Variants in CACNB2 observed in about 807,000 individuals in gnomAD.
CACNB2 encodes voltage-dependent L-type calcium channel subunit beta-2.
Under a neutral mutation model 73.3 loss-of-function variants are expected in CACNB2, and 42 were observed. That is an observed-to-expected ratio of 0.57 (90% confidence interval 0.45 to 0.74). CACNB2 has a LOEUF of 0.74. Among genes scored for constraint, CACNB2 ranks in the 30% least tolerant of loss-of-function variants. CACNB2 has a pLI of 0.00. For synonymous variants in CACNB2, 348 were observed against 310.3 expected (o/e 1.12, Z -1.28); for missense variants, 940 against 853.0 (o/e 1.10, Z -1.27).
In CACNB2 at chr10:18,534,146, G is replaced by T. The variant is rs368230570; in HGVS notation, c.1125G>T (p.Ala375=). 1 of 1,613,574 alleles carries T rather than the reference G, an allele frequency of 6.2e-7. No homozygotes were observed. The highest frequency in any genetic ancestry group is 1.3e-5 in the African/African-American group (1 of 74,874). The change falls in exon 11 of 14, where the codon GCG becomes GCT. Residue 375 remains alanine, a synonymous_variant. Transcript: ENST00000324631. ...CATTGCAGTTGGTGGTCCTTGACGC[G>T]GATACAATTAATCATCCAGCTCAAC... The part of the protein sequence containing the change: ...ARTLQLVVLD[A]DTINHPAQLS...
intron 2 of CACNB2, among the ~76,000 whole-genome samples, chr10:18,307,959 T>G (rs1459589541): frequency 2.0e-5 from 3 of 147,782 alleles, no homozygotes; most frequent in Admixed American, 6.8e-5. Context: ...TAGGATAACT[T>G]AAGTCTAAAA....
intron 3 of CACNB2, among the ~76,000 whole-genome samples, chr10:18,430,804 G>T (rs1000195007): frequency 1.3e-5 from 2 of 152,176 alleles, no homozygotes; most frequent in African/African-American, 4.8e-5. Context: ...TGAGGGAAAG[G>T]TGAAAAGTAC....
At chr10:18,189,222 G>C (rs2034288834) in intron 2 of CACNB2, among the ~76,000 whole-genome samples, 1 of 152,112 alleles carries the variant, frequency 6.6e-6, no homozygotes, top group African/African-American at 2.4e-5. Flanking sequence ...AATTTCAGTT[G>C]TGGCTTTCAG....
At chr10:18,441,707 G>A (rs1414227540) in intron 3 of CACNB2, among the ~76,000 whole-genome samples, 8 of 151,982 alleles carry the variant, frequency 5.3e-5, no homozygotes, top group South Asian at 2.1e-4. Flanking sequence ...CAGTCACAGC[G>A]CCCTGCAGCC....
chr10:18,195,148 C>T (rs764109860), intron 2 of CACNB2, among the ~76,000 whole-genome samples: 15 of 152,150 alleles, frequency 9.9e-5, no homozygotes, highest in Admixed American at 6.6e-5. Flanking sequence ...ATGTAATGGG[C>T]TTTGCTCTTT....
chr10:18,432,456 G>C (rs950816813), intron 3 of CACNB2, among the ~76,000 whole-genome samples: 54 of 47,900 alleles, frequency 1.1e-3, no homozygotes, highest in African/African-American at 5.2e-3. Flanking sequence ...GTCTCTGTGT[G>C]TGTGTGTGTG....
At chr10:18,197,002 C>G (rs2034654624) in intron 2 of CACNB2, among the ~76,000 whole-genome samples, 1 of 151,926 alleles carries the variant, frequency 6.6e-6, no homozygotes, top group East Asian at 1.9e-4. Context: ...TCTCCTCCCC[C>G]TCTTCTCTTC....
At chr10:18,276,274 A>G (rs1397545728) in intron 2 of CACNB2, among the ~76,000 whole-genome samples, 4 of 152,200 alleles carry the variant, frequency 2.6e-5, no homozygotes, top group African/African-American at 9.6e-5. Flanking sequence ...TCTTATTGGA[A>G]ACGTCAATCG....
At position 18,449,733 on chromosome 10, in the gene CACNB2, G is replaced by A. The variant is rs576882080; in HGVS notation, c.333+47690G>A. ...AGAATCTCTCTCTGACTGTTGGCAC[G>A]TGGGACTTCCCACTTCCCTTAACCA... is the stretch of plus-strand genomic sequence containing the variant. On this transcript the variant is annotated intron_variant, in intron 3 of 13. Transcript: ENST00000324631. Among the ~76,000 whole-genome samples the A allele has an allele frequency of 5.3e-5, 8 of 152,378 alleles. No homozygotes were observed. The South Asian group carries it at 1.2e-3, about 24-fold the overall frequency.
Position 18,250,916 on chromosome 10 carries a change from G to T in CACNB2, c.213+99941G>T, listed in dbSNP as rs1282624824. ...TGGAACTTCTCATTGGTAGTTAGGT[G>T]TTGGGAGGAAAAGCCGTTTGCTTTA... On this transcript the variant is annotated intron_variant, in intron 2 of 13. Coordinates refer to ENST00000324631, the MANE Select transcript of CACNB2 (RefSeq NM_201596.3). Among the ~76,000 whole-genome samples the T allele has an allele frequency of 3.3e-5, 5 of 152,262 alleles. No homozygotes were observed. In the East Asian group the frequency reaches 9.6e-4, roughly 29 times the overall value.
intron 10 of CACNB2, 100 bp downstream of exon 10, chr10:18,527,797 T>C (rs1045172382): frequency 4.9e-6 from 4 of 811,726 alleles, no homozygotes; most frequent in Non-Finnish European, 8.4e-6. Flanking sequence ...TCACAGAGTA[T>C]AGAAAAAACA....
In CACNB2 at chr10:18,177,230, A is replaced by G. The variant is rs1197637255; in HGVS notation, c.213+26255A>G. Among the ~76,000 whole-genome samples the G allele has an allele frequency of 2.6e-5, 4 of 152,172 alleles. No homozygotes were observed. The East Asian group carries it at 7.7e-4, about 29-fold the overall frequency. On this transcript the variant is annotated intron_variant, in intron 2 of 13. Transcript: ENST00000324631. ...CAATCCATCAGAAGTGTATTTTACCATAGTTGAAGATGCACCTGAGAAAAA... is the reference window on the plus strand; with the variant it reads ...CAATCCATCAGAAGTGTATTTTACCGTAGTTGAAGATGCACCTGAGAAAAA...
chr10:18,366,464 CAAA>C (rs58231666), intron 2 of CACNB2, among the ~76,000 whole-genome samples: 2,470 of 99,558 alleles, frequency 0.025, 79 homozygotes, highest in African/African-American at 0.084. Flanking sequence ...GACTCCGTCT[CAAA>C]AAAAAAAAAA....
intron 7 of CACNB2, among the ~76,000 whole-genome samples, chr10:18,517,968 A>C (rs946632614): frequency 6.6e-6 from 1 of 152,258 alleles, no homozygotes; most frequent in Admixed American, 6.5e-5. Flanking sequence ...AGAAAATTCA[A>C]ATGCAGCCGA....
intron 2 of CACNB2, among the ~76,000 whole-genome samples, chr10:18,193,562 C>T (rs1194370764): frequency 1.3e-5 from 2 of 152,136 alleles, no homozygotes; most frequent in Non-Finnish European, 2.9e-5. Flanking sequence ...GGGCAGTACT[C>T]CCTTCTGGAA....
intron 2 of CACNB2, among the ~76,000 whole-genome samples, chr10:18,375,917 C>G (rs1224945707): frequency 1.3e-5 from 2 of 152,148 alleles, no homozygotes; most frequent in African/African-American, 4.8e-5. Flanking sequence ...TTACTAACCA[C>G]TATAGAGAAC....
chr10:18,430,472 A>G (rs911643468), intron 3 of CACNB2, among the ~76,000 whole-genome samples: 1 of 152,016 alleles, frequency 6.6e-6, no homozygotes, highest in Non-Finnish European at 1.5e-5. Flanking sequence ...AAAAAAAAAA[A>G]TTAATTAATT....
intron 2 of CACNB2, among the ~76,000 whole-genome samples, chr10:18,347,913 T>G (rs555310037): frequency 6.6e-6 from 1 of 152,310 alleles, no homozygotes; most frequent in South Asian, 2.1e-4. Flanking sequence ...CATCAGAAGG[T>G]TTTGAGCGTC....
intron 2 of CACNB2, among the ~76,000 whole-genome samples, chr10:18,362,722 G>A (rs1022379971): frequency 6.6e-6 from 1 of 152,118 alleles, no homozygotes; most frequent in African/African-American, 2.4e-5. Flanking sequence ...TTTGAGACCA[G>A]CCTGGCCAAC....
Sources: allele counts gnomAD v4.1 joint callset (sites outside exome capture counted in the v4.1 genomes callset), GRCh38; gene constraint gnomAD v4.1.1; transcripts MANE v1.5; gene names NCBI Gene and HGNC (gene_info 2026-07-23, HGNC 2026-07-21).